Variants in RCC1L observed in about 807,000 individuals in gnomAD.
RCC1L encodes RCC1 like.
RCC1L carries 46 observed loss-of-function variants against 58.6 expected under a neutral mutation model. That is an observed-to-expected ratio of 0.79 (90% CI 0.62 to 1.00). The LOEUF is 1.00. RCC1L is among the 50% of genes least tolerant of loss of function. The pLI is 0.00. For synonymous variants in RCC1L, 281 were observed against 262.9 expected, an observed-to-expected ratio of 1.07 and a Z score of -0.67; for missense variants, 636 against 623.6, an observed-to-expected ratio of 1.02 and a Z score of -0.21.
intron 10 of RCC1L, among the ~76,000 whole-genome samples, chr7:75,037,083 G>T (rs1230035781): frequency 6.6e-6 from 1 of 152,300 alleles, no homozygotes; most frequent in East Asian, 1.9e-4. Context: ...GGATTCAGCT[G>T]CCACTTGCTA....
downstream of RCC1L, among the ~76,000 whole-genome samples, chr7:75,038,527 G>A (rs989215126): frequency 1.4e-5 from 2 of 146,912 alleles, no homozygotes; most frequent in East Asian, 1.9e-4. Context: ...TCCGCTTCCC[G>A]CCTTTTTTTT....
chr7:75,066,808 G>A lies in RCC1L; in HGVS notation c.455-16C>T. The A allele has an allele frequency of 1.9e-6, 3 of 1,595,742 alleles. No individual in the cohort carries two copies. In the South Asian group the frequency reaches 3.4e-5, roughly 18 times the overall value. ...TAGCCCCTCGCTGGAAAAGACACAGGACACTGATTGAGGCATGCATTTCTA... is the reference window on the plus strand; with the variant it reads ...TAGCCCCTCGCTGGAAAAGACACAGAACACTGATTGAGGCATGCATTTCTA... On this transcript the variant is annotated splice_polypyrimidine_tract_variant and intron_variant, in intron 2 of 10. Transcript: ENST00000610322.
intron 10 of RCC1L, among the ~76,000 whole-genome samples, chr7:75,050,485 A>G (rs1251960508): frequency 4.6e-5 from 7 of 151,958 alleles, no homozygotes; most frequent in African/African-American, 1.7e-4. Flanking sequence ...CAGGCTGATC[A>G]CTCTGATTTG....
intron 10 of RCC1L, among the ~76,000 whole-genome samples, chr7:75,031,101 G>T (rs980492576): frequency 2.0e-5 from 3 of 152,246 alleles, no homozygotes; most frequent in African/African-American, 4.8e-5. Context: ...CCCTCTAAAA[G>T]AGTAGGGAGC....
In RCC1L at chr7:75,073,542, AG is replaced by A. The variant is rs1443198813; in HGVS notation, c.195del (p.Phe66SerfsTer124). On this transcript the variant is annotated frameshift_variant, in exon 1 of 11. Coordinates refer to ENST00000610322, the MANE Select transcript of RCC1L (RefSeq NM_030798.5). LOFTEE classifies it high-confidence loss of function. ...AARADRVFVW[G>X]FSFSGALGVP... Reference sequence around the variant, plus strand: ...ACGCCCAGCGCCCCCGAGAAGCTGAAGCCCCACACGAAGACGCGATCGGCGC... The same window carrying A: ...ACGCCCAGCGCCCCCGAGAAGCTGAACCCCACACGAAGACGCGATCGGCGC... 5 of 1,498,094 alleles carry A rather than the reference AG, an allele frequency of 3.3e-6. No individual in the cohort carries two copies. Among genetic ancestry groups the A allele is most frequent in the Non-Finnish European group, 3.5e-6 (4 of 1,132,572 alleles). 92.8% of individuals were successfully genotyped at this position (1,498,094 alleles called of 1,614,324 possible).
At chr7:75,052,885 G>T in intron 9 of RCC1L, 89 bp from the exon 10 acceptor site, 1 of 1,283,926 alleles carries the variant, frequency 7.8e-7, no homozygotes, top group Non-Finnish European at 1.1e-6. Context: ...AGGCTTTCTA[G>T]AACCAGATAC....
chr7:75,057,319 G>A (rs1243025133), intron 8 of RCC1L, among the ~76,000 whole-genome samples: 3 of 152,048 alleles, frequency 2.0e-5, no homozygotes, highest in Non-Finnish European at 4.4e-5. Flanking sequence ...GTCTCGTTAT[G>A]TTGTCCAGGC....
At chr7:75,062,960 G>A (rs1222141280) in intron 5 of RCC1L, among the ~76,000 whole-genome samples, 6 of 151,984 alleles carry the variant, frequency 3.9e-5, no homozygotes, top group African/African-American at 1.5e-4. Flanking sequence ...CACCACACCC[G>A]GCTAATTTTT....
intron 10 of RCC1L, among the ~76,000 whole-genome samples, chr7:75,046,581 G>A (rs1021574320): frequency 5.3e-5 from 8 of 152,150 alleles, no homozygotes; most frequent in African/African-American, 1.2e-4. Context: ...TCCCCCTGGC[G>A]GACAATCTCA....
intron 10 of RCC1L, among the ~76,000 whole-genome samples, chr7:75,029,413 G>A (rs997835659): frequency 1.8e-4 from 27 of 149,108 alleles, no homozygotes; most frequent in African/African-American, 6.2e-4. Flanking sequence ...GTGCGATCTC[G>A]GTTCGCTGCA....
At chr7:75,068,983 C>A (rs1806618796) in intron 2 of RCC1L, among the ~76,000 whole-genome samples, 1 of 151,968 alleles carries the variant, frequency 6.6e-6, no homozygotes, top group Non-Finnish European at 1.5e-5. Context: ...ATTCTCCTGC[C>A]CCAGCCTCCC....
At chr7:75,048,432 G>A (rs1207911540) in intron 10 of RCC1L, among the ~76,000 whole-genome samples, 5 of 152,348 alleles carry the variant, frequency 3.3e-5, no homozygotes, top group South Asian at 2.1e-4. Context: ...TACAGGCAGA[G>A]TCGCAAGTTC....
intron 2 of RCC1L, among the ~76,000 whole-genome samples, chr7:75,067,960 G>A (rs1202090183): frequency 1.3e-5 from 2 of 152,102 alleles, no homozygotes; most frequent in Non-Finnish European, 2.9e-5. Flanking sequence ...TGAAGCTGGT[G>A]ATGCCACATC....
intron 10 of RCC1L, among the ~76,000 whole-genome samples, chr7:75,047,994 C>A (rs1805784522): frequency 6.9e-6 from 1 of 143,904 alleles, no homozygotes. Flanking sequence ...CGGCCAGGAG[C>A]AGTGGCTCAC....
chr7:75,058,281 G>A (rs1166754296), intron 7 of RCC1L: 9 of 369,608 alleles, frequency 2.4e-5, no homozygotes, highest in African/African-American at 1.5e-4. Context: ...CTGTCACCCA[G>A]GCTGGAATGT....
intron 2 of RCC1L, 134 bp from the exon 3 acceptor site, chr7:75,066,926 C>G: frequency 1.6e-6 from 2 of 1,245,870 alleles, no homozygotes. Context: ...GTAAGTTAGG[C>G]GCAGAGCAAG....
chr7:75,056,664 A>T, intron 8 of RCC1L: 1 of 1,535,454 alleles, frequency 6.5e-7, no homozygotes. Flanking sequence ...AGGGGAATGA[A>T]GTAGTTCGCT....
intron 10 of RCC1L, among the ~76,000 whole-genome samples, chr7:75,047,392 AG>A (rs1805757753): frequency 6.6e-6 from 1 of 152,216 alleles, no homozygotes; most frequent in South Asian, 2.1e-4. Context: ...TCAGCCTCCC[AG>A]GGAGCTGGGA....
intron 6 of RCC1L, among the ~76,000 whole-genome samples, chr7:75,059,205 AAAAAAAAAG>A (rs1554444293): frequency 6.8e-6 from 1 of 148,076 alleles, no homozygotes; most frequent in East Asian, 1.9e-4. Context: ...AAAAAAAAAG[AAAAAAAAAG>A]AAAAGAAAGA....
Sources: allele counts gnomAD v4.1 joint callset (sites outside exome capture counted in the v4.1 genomes callset), GRCh38; gene constraint gnomAD v4.1.1; transcripts MANE v1.5; gene names NCBI Gene and HGNC (gene_info 2026-07-23, HGNC 2026-07-21).